Variants in EIF2AK4 observed in about 807,000 individuals in gnomAD.
EIF2AK4 encodes eIF-2-alpha kinase GCN2.
A neutral mutation model predicts 211.1 loss-of-function variants in EIF2AK4; 139 were observed. The observed-to-expected ratio is 0.66, with a 90% CI of 0.57 to 0.76. The LOEUF (loss-of-function observed/expected upper bound fraction) is 0.76, where lower values mean the gene tolerates loss of function less well. Among genes scored for constraint, EIF2AK4 ranks in the 30% least tolerant of loss-of-function variants. The pLI, the probability that EIF2AK4 is intolerant of heterozygous loss-of-function variation, is 0.00. For synonymous variants in EIF2AK4, 710 were observed against 751.3 expected (o/e 0.94, Z 0.90); for missense variants, 1,664 against 2,043.8 (o/e 0.81, Z 3.58).
chr15:39,941,572 A>G (rs930047673), intron 2 of EIF2AK4, among the ~76,000 whole-genome samples: 1 of 152,210 alleles, frequency 6.6e-6, no homozygotes, highest in Non-Finnish European at 1.5e-5. Flanking sequence ...TAAGTGCTAT[A>G]ATGTTATATA....
Position 39,949,236 on chromosome 15 carries a change from C to A in EIF2AK4, c.481C>A (p.Leu161Met), listed in dbSNP as rs2034270940. Residue 161 changes from leucine to methionine, a missense_variant, in exon 4 of 39, where the codon CTG becomes ATG. Physicochemically the swap from Leu to Met is conservative, Grantham distance 15. Transcript: ENST00000263791. ...ERRAQEEQQR[L>M]LEAKRKEEQE... Reference sequence around the variant, plus strand: ...GCGGGCTCAGGAGGAGCAGCAGAGGCTGTTGGAGGCCAAGCGGAAAGAAGA... The same window carrying A: ...GCGGGCTCAGGAGGAGCAGCAGAGGATGTTGGAGGCCAAGCGGAAAGAAGA... 6.2e-7 allele frequency: 1 copy of A among 1,613,902 alleles called. No homozygotes were observed.
intron 18 of EIF2AK4, among the ~76,000 whole-genome samples, chr15:39,996,234 C>G (rs1322418276): frequency 6.6e-6 from 1 of 152,164 alleles, no homozygotes; most frequent in African/African-American, 2.4e-5. Flanking sequence ...AGGAGCTGGC[C>G]TTTTCTATCA....
intron 25 of EIF2AK4, 57 bp from the exon 26 acceptor site, chr15:40,009,557 G>T: frequency 9.2e-7 from 1 of 1,086,712 alleles, no homozygotes; most frequent in South Asian, 1.4e-5. Flanking sequence ...TCCAGATTTG[G>T]TCATGTACCA....
intron 16 of EIF2AK4, chr15:39,991,224 G>A (rs2034940038): frequency 6.6e-6 from 1 of 152,594 alleles, no homozygotes; most frequent in Non-Finnish European, 1.5e-5. Flanking sequence ...GAGTGGAAAG[G>A]GAGGAGAGGG....
chr15:39,962,308 CA>C (rs1257557178), intron 7 of EIF2AK4, among the ~76,000 whole-genome samples: 1 of 152,198 alleles, frequency 6.6e-6, no homozygotes, highest in African/African-American at 2.4e-5. Flanking sequence ...ATATTATTAA[CA>C]TAACGATCAT....
At chr15:40,018,962 C>A in intron 29 of EIF2AK4, 131 bp from the exon 30 acceptor site, 1 of 688,160 alleles carries the variant, frequency 1.5e-6, no homozygotes, top group Non-Finnish European at 2.5e-6. Flanking sequence ...TTACTACACA[C>A]ACACATTTCT....
intron 13 of EIF2AK4, among the ~76,000 whole-genome samples, chr15:39,981,322 A>G (rs1408555535): frequency 6.6e-6 from 1 of 152,090 alleles, no homozygotes; most frequent in Non-Finnish European, 1.5e-5. Flanking sequence ...GTGAGCCCAG[A>G]TCACGTCATT....
rs755767819 is a variant in EIF2AK4, at chr15:39,955,628, G to C, written c.603G>C (p.Leu201Phe). ...KRKEMAKQER[L>F]EIASLSNQDH... ...TACTTTTCTTGTTCTAGGAACGTTT[G>C]GAAATTGCTAGTTTGTCAAACCAAG... The change falls in exon 6 of 39, where the codon TTG (leucine) becomes TTC (phenylalanine). Residue 201 changes from leucine to phenylalanine, a missense_variant. Leu to Phe is a conservative substitution (Grantham distance 22). This residue lies in a region of EIF2AK4 where 641 missense variants were observed against 729.6 expected (regional missense o/e 0.88). Coordinates refer to ENST00000263791, the MANE Select transcript of EIF2AK4 (RefSeq NM_001013703.4). 1 of 1,605,440 alleles carries C rather than the reference G, an allele frequency of 6.2e-7. No individual in the cohort carries two copies. The highest frequency in any genetic ancestry group is 1.7e-5 in the Admixed American group (1 of 57,724).
intron 27 of EIF2AK4, among the ~76,000 whole-genome samples, chr15:40,013,833 CA>C (rs2035270438): frequency 6.6e-6 from 1 of 152,196 alleles, no homozygotes; most frequent in Non-Finnish European, 1.5e-5. Context: ...ATCTCAAAAC[CA>C]ATCATGCCTT....
Position 39,961,832 on chromosome 15 carries a change from T to G in EIF2AK4, c.792T>G (p.Ser264=). ...GTAATAGTGAAGATTCTCCTGGCTC[T>G]TGTGAAATTCTGTATTTCAATATGG... The part of the protein sequence containing the change: ...SVCNSEDSPG[S]CEILYFNMGS... Residue 264 remains serine, a synonymous_variant, in exon 7 of 39, where the codon TCT becomes TCG. Transcript: ENST00000263791. 1 of 1,614,204 alleles carries G rather than the reference T, an allele frequency of 6.2e-7. No homozygotes were observed. The highest frequency in any genetic ancestry group is 8.5e-7 in the Non-Finnish European group (1 of 1,180,022).
intron 23 of EIF2AK4, among the ~76,000 whole-genome samples, chr15:40,004,388 T>C (rs927464059): frequency 6.6e-6 from 1 of 152,190 alleles, no homozygotes; most frequent in African/African-American, 2.4e-5. Flanking sequence ...GAATAATTTG[T>C]CACCAATATT....
chr15:40,031,923 AC>A (rs2035549452), intron 35 of EIF2AK4, among the ~76,000 whole-genome samples: 1 of 152,160 alleles, frequency 6.6e-6, no homozygotes. Flanking sequence ...ACGGGGTTTC[AC>A]CATGTTGGCC....
intron 6 of EIF2AK4, among the ~76,000 whole-genome samples, chr15:39,956,055 C>T (rs577368058): frequency 4.9e-5 from 7 of 142,504 alleles, no homozygotes; most frequent in African/African-American, 1.6e-4. Context: ...ACCCAGGCTG[C>T]AGTGCAATGG....
At chr15:39,937,105 G>T (rs2034075952) in intron 1 of EIF2AK4, among the ~76,000 whole-genome samples, 1 of 152,108 alleles carries the variant, frequency 6.6e-6, no homozygotes, top group Non-Finnish European at 1.5e-5. Flanking sequence ...ATAATTTATA[G>T]ATAGTTACAA....
chr15:40,026,865 C>T (rs1027701349), intron 33 of EIF2AK4, among the ~76,000 whole-genome samples: 1 of 151,984 alleles, frequency 6.6e-6, no homozygotes, highest in African/African-American at 2.4e-5. Context: ...TAAATTGACC[C>T]AGCAATTCCA....
At chr15:39,996,394 T>G (rs1023090747) in intron 18 of EIF2AK4, among the ~76,000 whole-genome samples, 1 of 152,208 alleles carries the variant, frequency 6.6e-6, no homozygotes, top group African/African-American at 2.4e-5. Context: ...TGGATACAAC[T>G]AAACCAGTTA....
At position 39,939,179 on chromosome 15, in the gene EIF2AK4, G is replaced by A. The variant is rs146582985; in HGVS notation, c.145-326G>A. Among the ~76,000 whole-genome samples, 231 of 152,212 alleles carry A rather than the reference G, an allele frequency of 1.5e-3. 1 individual carries two copies. Among genetic ancestry groups the A allele is most frequent in the African/African-American group, 5.2e-3 (218 of 41,524 alleles). On this transcript the variant is annotated intron_variant, in intron 1 of 38. Coordinates refer to ENST00000263791, the MANE Select transcript of EIF2AK4 (RefSeq NM_001013703.4). ...CTTCTAGTTTGTATCAGCTGGTTGG[G>A]ACTGTGTCTGTCTAAATTTACCCCT...
At chr15:40,029,268 G>C in intron 33 of EIF2AK4, 138 bp from the exon 34 acceptor site, 1 of 1,372,894 alleles carries the variant, frequency 7.3e-7, no homozygotes, top group Non-Finnish European at 9.4e-7. Flanking sequence ...TTTTGTTTTT[G>C]TTTTTCCACC....
At chr15:39,969,157 T>C (rs896309430) in intron 9 of EIF2AK4, among the ~76,000 whole-genome samples, 5 of 152,214 alleles carry the variant, frequency 3.3e-5, no homozygotes, top group African/African-American at 9.6e-5. Flanking sequence ...TCTTCATTGA[T>C]GAAGAGTAAT....
Sources: gnomAD v4.1 joint callset for allele counts (sites outside exome capture counted in the v4.1 genomes callset) on GRCh38, gnomAD v4.1.1 for gene constraint, gnomAD v4.1.1 regional missense constraint, MANE v1.5 for transcripts, NCBI Gene and HGNC (gene_info 2026-07-23, HGNC 2026-07-21) for gene names.